GRIA4: variants seen among roughly 807,000 people sequenced by gnomAD.
GRIA4 encodes glutamate ionotropic receptor AMPA type subunit 4.
GRIA4 carries 34 observed loss-of-function variants against 104.0 expected under a neutral mutation model. That is an observed-to-expected ratio of 0.33 (90% confidence interval 0.25 to 0.44). The LOEUF is 0.44. Ranked by LOEUF, GRIA4 falls within the 20% of genes least tolerant of loss-of-function variation. The pLI, the probability that GRIA4 is intolerant of heterozygous loss-of-function variation, is 1.00. For synonymous variants in GRIA4, 386 were observed against 381.9 expected (o/e 1.01, Z -0.13); for missense variants, 750 against 1,096.5 (o/e 0.68, Z 4.46).
At chr11:105,777,574 G>C (rs976663908) in intron 4 of GRIA4, among the ~76,000 whole-genome samples, 1 of 151,930 alleles carries the variant, frequency 6.6e-6, no homozygotes, top group Non-Finnish European at 1.5e-5. Context: ...CTTTAAAATT[G>C]TTTCAATGGT....
intron 9 of GRIA4, among the ~76,000 whole-genome samples, chr11:105,905,507 CT>C (rs1947012073): frequency 6.6e-6 from 1 of 152,120 alleles, no homozygotes; most frequent in Admixed American, 6.5e-5. Flanking sequence ...CTGAAACAAA[CT>C]AATTTATACA....
At position 105,687,258 on chromosome 11, in the gene GRIA4, G is replaced by A. The variant is rs554391915; in HGVS notation, c.248-65723G>A. On this transcript the variant is annotated intron_variant, in intron 3 of 16. Coordinates refer to ENST00000282499, the MANE Select transcript of GRIA4 (RefSeq NM_000829.4). ...CTCTCCTGTTATGGACATGTAAGGC[G>A]CTAAAAAATATGTATTTGAAAAAGA... Among the ~76,000 whole-genome samples, 13 of 152,224 alleles carry A rather than the reference G, an allele frequency of 8.5e-5. No individual in the cohort carries two copies. The East Asian group carries it at 1.5e-3, about 18-fold the overall frequency.
intron 5 of GRIA4, among the ~76,000 whole-genome samples, chr11:105,883,189 C>T (rs1376072131): frequency 6.6e-6 from 1 of 151,902 alleles, no homozygotes; most frequent in African/African-American, 2.4e-5. Context: ...GGATTATCAT[C>T]GTTGAGAGCG....
intron 3 of GRIA4, among the ~76,000 whole-genome samples, chr11:105,720,506 T>C (rs1001695621): frequency 2.6e-5 from 4 of 152,074 alleles, no homozygotes; most frequent in African/African-American, 9.7e-5. Context: ...TTGGTAGAAA[T>C]GAAGAATGTA....
At chr11:105,798,827 A>G (rs759693880) in intron 4 of GRIA4, among the ~76,000 whole-genome samples, 2 of 152,154 alleles carry the variant, frequency 1.3e-5, no homozygotes, top group South Asian at 2.1e-4. Flanking sequence ...AACAGAGGAA[A>G]GAATATTGGT....
intron 4 of GRIA4, among the ~76,000 whole-genome samples, chr11:105,854,559 G>T (rs552568372): frequency 6.6e-6 from 1 of 152,132 alleles, no homozygotes; most frequent in African/African-American, 2.4e-5. Context: ...AGTGCAAAGC[G>T]GGCAAAGGTG....
chr11:105,948,586 T>C (rs1948376253), intron 14 of GRIA4, among the ~76,000 whole-genome samples: 1 of 137,272 alleles, frequency 7.3e-6, no homozygotes, highest in Non-Finnish European at 1.5e-5. Context: ...TTTCTTTTCT[T>C]TTCTTTTTGT....
intron 4 of GRIA4, among the ~76,000 whole-genome samples, chr11:105,814,607 G>GT (rs1943303579): frequency 6.6e-6 from 1 of 152,090 alleles, no homozygotes; most frequent in Non-Finnish European, 1.5e-5. Context: ...AAAATGCGTA[G>GT]TAGAGTGACA....
intron 3 of GRIA4, among the ~76,000 whole-genome samples, chr11:105,717,868 C>T (rs1394456569): frequency 1.7e-4 from 19 of 114,188 alleles, no homozygotes; most frequent in Non-Finnish European, 2.7e-4. Context: ...CCCCCTCCCC[C>T]CACCCCACAA....
At chr11:105,752,003 C>T (rs1344223277) in intron 3 of GRIA4, among the ~76,000 whole-genome samples, 1 of 152,034 alleles carries the variant, frequency 6.6e-6, no homozygotes, top group African/African-American at 2.4e-5. Flanking sequence ...ATTTGGAATC[C>T]AAATAGATTT....
intron 3 of GRIA4, among the ~76,000 whole-genome samples, chr11:105,652,871 T>C (rs1951721943): frequency 6.6e-6 from 1 of 152,166 alleles, no homozygotes; most frequent in African/African-American, 2.4e-5. Flanking sequence ...GTTCTTACTC[T>C]AGATCTTAGG....
At chr11:105,770,809 T>G (rs1370396503) in intron 4 of GRIA4, among the ~76,000 whole-genome samples, 3 of 152,046 alleles carry the variant, frequency 2.0e-5, no homozygotes, top group Non-Finnish European at 4.4e-5. Flanking sequence ...TAGCCTATCT[T>G]TACTAAGACC....
At chr11:105,748,176 T>C (rs1939776826) in intron 3 of GRIA4, among the ~76,000 whole-genome samples, 1 of 152,208 alleles carries the variant, frequency 6.6e-6, no homozygotes, top group Non-Finnish European at 1.5e-5. Flanking sequence ...ACCGAGGGCA[T>C]TTTTAAGATT....
chr11:105,714,931 A>G (rs1055978152), intron 3 of GRIA4, among the ~76,000 whole-genome samples: 7 of 152,112 alleles, frequency 4.6e-5, no homozygotes, highest in African/African-American at 1.7e-4. Context: ...CAGTCAAACC[A>G]TCAGCTTTTC....
chr11:105,919,594 A>G (rs1437300019), intron 11 of GRIA4, among the ~76,000 whole-genome samples: 1 of 152,154 alleles, frequency 6.6e-6, no homozygotes, highest in African/African-American at 2.4e-5. Flanking sequence ...TTGAGTGTAC[A>G]CATTCATAGC....
At chr11:105,763,081 T>C (rs1202605221) in intron 4 of GRIA4, among the ~76,000 whole-genome samples, 1 of 152,130 alleles carries the variant, frequency 6.6e-6, no homozygotes, top group African/African-American at 2.4e-5. Flanking sequence ...AATAAAAATA[T>C]AGCATGGGTA....
intron 4 of GRIA4, among the ~76,000 whole-genome samples, chr11:105,846,865 G>A (rs1046964259): frequency 6.6e-6 from 1 of 152,162 alleles, no homozygotes; most frequent in Non-Finnish European, 1.5e-5. Context: ...GTATCTTATT[G>A]CAAAGAGTCT....
At chr11:105,678,909 T>A (rs1049230173) in intron 3 of GRIA4, among the ~76,000 whole-genome samples, 1 of 152,042 alleles carries the variant, frequency 6.6e-6, no homozygotes, top group Non-Finnish European at 1.5e-5. Flanking sequence ...TAGTTAATTT[T>A]CCCCCTGGAA....
chr11:105,638,840 T>C (rs1213361203), intron 3 of GRIA4, among the ~76,000 whole-genome samples: 1 of 152,144 alleles, frequency 6.6e-6, no homozygotes, highest in Non-Finnish European at 1.5e-5. Flanking sequence ...TCCTTCCTCT[T>C]GCTTTCCCAA....
Sources: gnomAD v4.1 joint callset for allele counts (sites outside exome capture counted in the v4.1 genomes callset) on GRCh38, gnomAD v4.1.1 for gene constraint, MANE v1.5 for transcripts, NCBI Gene and HGNC (gene_info 2026-07-23, HGNC 2026-07-21) for gene names.